LRRC4C: variants seen among roughly 807,000 people sequenced by gnomAD.
LRRC4C encodes the protein leucine-rich repeat-containing protein 4C.
A neutral mutation model predicts 33.6 loss-of-function variants in LRRC4C; 5 were observed. The observed-to-expected ratio is 0.15, with a 90% confidence interval of 0.08 to 0.31. The LOEUF (loss-of-function observed/expected upper bound fraction) is 0.31. LRRC4C is among the 10% of genes least tolerant of loss of function. LRRC4C has a pLI of 1.00. For missense variants in LRRC4C, 560 were observed against 796.7 expected (o/e 0.70, Z 3.58); for synonymous variants, 329 against 302.0 (o/e 1.09, Z -0.93).
At chr11:40,469,262 C>T (rs1375747176) in intron 3 of LRRC4C, among the ~76,000 whole-genome samples, 2 of 152,156 alleles carry the variant, frequency 1.3e-5, no homozygotes, top group Non-Finnish European at 2.9e-5. Flanking sequence ...GTCACCTCAC[C>T]TGGGAAGCAA....
chr11:41,170,627 T>C (rs1590825686), intron 1 of LRRC4C, among the ~76,000 whole-genome samples: 2 of 152,286 alleles, frequency 1.3e-5, no homozygotes, highest in East Asian at 1.9e-4. Context: ...AAGACTTAAA[T>C]GTTAGACCTA....
chr11:40,526,049 C>T (rs1325349888), intron 3 of LRRC4C, among the ~76,000 whole-genome samples: 1 of 151,796 alleles, frequency 6.6e-6, no homozygotes, highest in Non-Finnish European at 1.5e-5. Context: ...GAAAACATTC[C>T]TTGAACCTTA....
At chr11:40,239,281 T>C (rs1401187268) in intron 5 of LRRC4C, among the ~76,000 whole-genome samples, 1 of 152,204 alleles carries the variant, frequency 6.6e-6, no homozygotes, top group Non-Finnish European at 1.5e-5. Flanking sequence ...ATTTTTCATG[T>C]CCGTATCCTC....
chr11:40,638,809 TC>T (rs1432634279), intron 3 of LRRC4C, among the ~76,000 whole-genome samples: 2 of 151,744 alleles, frequency 1.3e-5, no homozygotes, highest in Admixed American at 1.3e-4. Flanking sequence ...GCACTACATT[TC>T]TTGACTTCAA....
intron 1 of LRRC4C, among the ~76,000 whole-genome samples, chr11:41,170,449 C>T (rs1024902568): frequency 2.0e-5 from 3 of 152,096 alleles, no homozygotes; most frequent in African/African-American, 7.2e-5. Flanking sequence ...GAAATAATGC[C>T]ACATATCTAC....
chr11:41,363,247 A>G (rs1190566754), intron 1 of LRRC4C, among the ~76,000 whole-genome samples: 1 of 152,164 alleles, frequency 6.6e-6, no homozygotes, highest in Non-Finnish European at 1.5e-5. Context: ...CACCAAGCTG[A>G]GTCTTGAGTC....
At chr11:40,517,519 G>A in intron 3 of LRRC4C, among the ~76,000 whole-genome samples, 1 of 152,166 alleles carries the variant, frequency 6.6e-6, no homozygotes, top group Non-Finnish European at 1.5e-5. Flanking sequence ...GTAACTGGAT[G>A]CTTCAAGAAT....
At chr11:40,738,395 A>C (rs1054055453) in intron 2 of LRRC4C, among the ~76,000 whole-genome samples, 2 of 151,984 alleles carry the variant, frequency 1.3e-5, no homozygotes, top group African/African-American at 2.4e-5. Context: ...ATCTCCTTTC[A>C]TATATTTCTA....
At chr11:40,443,451 G>A (rs1281376084) in intron 3 of LRRC4C, among the ~76,000 whole-genome samples, 1 of 152,138 alleles carries the variant, frequency 6.6e-6, no homozygotes, top group Non-Finnish European at 1.5e-5. Context: ...TGTCAAAGAC[G>A]AGACTCATTT....
At chr11:41,274,966 G>A (rs1328927978) in intron 1 of LRRC4C, among the ~76,000 whole-genome samples, 2 of 152,102 alleles carry the variant, frequency 1.3e-5, no homozygotes, top group African/African-American at 2.4e-5. Context: ...ATGGGTCATG[G>A]GGGTGGATCC....
chr11:40,415,110 T>C (rs1950278867), intron 3 of LRRC4C, among the ~76,000 whole-genome samples: 1 of 152,142 alleles, frequency 6.6e-6, no homozygotes, highest in Non-Finnish European at 1.5e-5. Context: ...GAATGAGAAG[T>C]ATAAAATCAC....
intron 1 of LRRC4C, among the ~76,000 whole-genome samples, chr11:41,075,014 C>CTTTTTTT (rs869112602): frequency 7.9e-5 from 8 of 101,076 alleles, no homozygotes; most frequent in African/African-American, 2.6e-4. Flanking sequence ...CTTCAATTTT[C>CTTTTTTT]TTTTTTTTTT....
intron 5 of LRRC4C, among the ~76,000 whole-genome samples, chr11:40,226,482 G>GCC (rs1565157897): frequency 6.6e-6 from 1 of 152,178 alleles, no homozygotes; most frequent in South Asian, 2.1e-4. Context: ...TGGGCTTTAA[G>GCC]CCCATATCTT....
chr11:41,256,571 A>G (rs1948808021), intron 1 of LRRC4C, among the ~76,000 whole-genome samples: 1 of 152,028 alleles, frequency 6.6e-6, no homozygotes. Context: ...AAATTGATTC[A>G]TAGCATTAAA....
At chr11:40,409,858 C>A (rs967295111) in intron 3 of LRRC4C, among the ~76,000 whole-genome samples, 8 of 151,950 alleles carry the variant, frequency 5.3e-5, no homozygotes, top group Non-Finnish European at 1.0e-4. Flanking sequence ...AATAAGTCTT[C>A]TCATTACAAA....
chr11:40,516,879 AAGG>A (rs1282701090), intron 3 of LRRC4C, among the ~76,000 whole-genome samples: 1 of 152,170 alleles, frequency 6.6e-6, no homozygotes, highest in Non-Finnish European at 1.5e-5. Context: ...GATGTGTCAA[AAGG>A]TGTCAGTTAG....
intron 1 of LRRC4C, among the ~76,000 whole-genome samples, chr11:41,183,450 G>A (rs1054371537): frequency 3.3e-5 from 5 of 152,080 alleles, no homozygotes; most frequent in African/African-American, 1.2e-4. Flanking sequence ...CAGGCCCCAG[G>A]GAAGTCTGAA....
chr11:40,249,942 A>T (rs1309215833), intron 4 of LRRC4C, among the ~76,000 whole-genome samples: 2 of 151,074 alleles, frequency 1.3e-5, no homozygotes, highest in African/African-American at 4.9e-5. Context: ...AAATTTCAGG[A>T]CCCTCTAAAT....
At chr11:41,228,539 T>A (rs1054498907) in intron 1 of LRRC4C, among the ~76,000 whole-genome samples, 1 of 152,154 alleles carries the variant, frequency 6.6e-6, no homozygotes, top group East Asian at 1.9e-4. Context: ...GCTTTCAATA[T>A]GTTTTCTGTT....
Sources: gnomAD v4.1 joint callset for allele counts (sites outside exome capture counted in the v4.1 genomes callset) on GRCh38, gnomAD v4.1.1 for gene constraint, MANE v1.5 for transcripts, NCBI Gene and HGNC (gene_info 2026-07-23, HGNC 2026-07-21) for gene names.